The following PRR5L variants were observed in gnomAD, a reference collection of about 807,000 sequenced individuals.
PRR5L encodes proline-rich protein 5-like.
PRR5L carries 21 observed loss-of-function variants against 36.4 expected under a neutral mutation model. The observed-to-expected ratio is 0.58, with a 90% CI of 0.41 to 0.83. PRR5L has a LOEUF of 0.83. Among genes scored for constraint, PRR5L ranks in the 40% least tolerant of loss-of-function variants. The pLI is 0.00. For missense variants in PRR5L, 381 were observed against 473.3 expected (o/e 0.80, Z 1.81); for synonymous variants, 188 against 197.0 (o/e 0.95, Z 0.38).
At chr11:36,454,365 G>A (rs560917290) in intron 8 of PRR5L, among the ~76,000 whole-genome samples, 4 of 152,284 alleles carry the variant, frequency 2.6e-5, no homozygotes, top group African/African-American at 7.2e-5. Context: ...TCCAGATAAA[G>A]AGAGGTCTCT....
intron 6 of PRR5L, among the ~76,000 whole-genome samples, chr11:36,443,005 C>T (rs1273108668): frequency 1.3e-5 from 2 of 152,184 alleles, no homozygotes; most frequent in Non-Finnish European, 2.9e-5. Flanking sequence ...ACATTCTACT[C>T]CTTAGCACCA....
intron 1 of PRR5L, among the ~76,000 whole-genome samples, chr11:36,320,658 T>C (rs999279306): frequency 6.6e-6 from 1 of 152,208 alleles, no homozygotes; most frequent in Admixed American, 6.5e-5. Flanking sequence ...GAGCTATGCA[T>C]GCTACTTGCT....
At chr11:36,451,116 T>G in intron 7 of PRR5L, 93 bp from the exon 8 acceptor site, 2 of 1,469,286 alleles carry the variant, frequency 1.4e-6, no homozygotes, top group Non-Finnish European at 1.9e-6. Context: ...GCCTTGTACA[T>G]TGGAGGAGGA....
At chr11:36,448,958 C>T (rs1858889743) in intron 7 of PRR5L, among the ~76,000 whole-genome samples, 1 of 152,250 alleles carries the variant, frequency 6.6e-6, no homozygotes, top group African/African-American at 2.4e-5. Context: ...TACTGCCTCC[C>T]TTCTGCAGTC....
intron 3 of PRR5L, among the ~76,000 whole-genome samples, chr11:36,411,572 G>A (rs570311125): frequency 1.1e-4 from 16 of 152,226 alleles, no homozygotes; most frequent in African/African-American, 3.6e-4. Flanking sequence ...TCAGCTCCCG[G>A]CTTCCCTTTT....
At chr11:36,450,554 T>C (rs1858921528) in intron 7 of PRR5L, among the ~76,000 whole-genome samples, 2 of 152,232 alleles carry the variant, frequency 1.3e-5, no homozygotes, top group African/African-American at 4.8e-5. Flanking sequence ...GGGTTTTTAA[T>C]TGGCTCTTCA....
At chr11:36,442,457 T>C (rs1489531447) in intron 6 of PRR5L, among the ~76,000 whole-genome samples, 2 of 152,064 alleles carry the variant, frequency 1.3e-5, no homozygotes, top group Non-Finnish European at 2.9e-5. Context: ...TTCTCCTGCC[T>C]CAGCCTCCCA....
chr11:36,358,254 T>C (rs187091633), intron 1 of PRR5L, among the ~76,000 whole-genome samples: 2 of 152,294 alleles, frequency 1.3e-5, no homozygotes, highest in East Asian at 3.9e-4. Context: ...ATCAGCTATC[T>C]CTTGTGAAAG....
At chr11:36,350,944 A>ATTTATATATATTTATATATATT (rs1407155161) in intron 1 of PRR5L, among the ~76,000 whole-genome samples, 2 of 57,140 alleles carry the variant, frequency 3.5e-5, no homozygotes, top group African/African-American at 1.9e-4. Context: ...ATATTTATAT[A>ATTTATATATATTTATATATATT]TATATATTTA....
chr11:36,335,832 C>T (rs1856763812), intron 1 of PRR5L, among the ~76,000 whole-genome samples: 1 of 152,166 alleles, frequency 6.6e-6, no homozygotes, highest in South Asian at 2.1e-4. Context: ...TAAATATTTT[C>T]TTATTCAAAG....
intron 8 of PRR5L, among the ~76,000 whole-genome samples, chr11:36,452,575 C>T (rs1338468831): frequency 1.3e-5 from 2 of 152,228 alleles, no homozygotes; most frequent in Non-Finnish European, 2.9e-5. Context: ...GCCAGAGTTT[C>T]AATGACACTG....
chr11:36,359,781 A>T (rs1295834513), intron 1 of PRR5L, among the ~76,000 whole-genome samples: 5 of 152,188 alleles, frequency 3.3e-5, no homozygotes, highest in African/African-American at 1.2e-4. Flanking sequence ...GCAGTGGCTC[A>T]CCCGTGTAAT....
At chr11:36,345,826 T>A (rs1164507618) in intron 1 of PRR5L, among the ~76,000 whole-genome samples, 2 of 152,214 alleles carry the variant, frequency 1.3e-5, no homozygotes, top group Non-Finnish European at 2.9e-5. Context: ...GGCAGAAAGC[T>A]GGGAAGCGTC....
At chr11:36,318,391 A>G (rs1856579382) in intron 1 of PRR5L, among the ~76,000 whole-genome samples, 1 of 152,114 alleles carries the variant, frequency 6.6e-6, no homozygotes, top group South Asian at 2.1e-4. Flanking sequence ...ACTTCCCACT[A>G]ATATCTACTA....
intron 3 of PRR5L, among the ~76,000 whole-genome samples, chr11:36,406,589 A>T (rs2133565099): frequency 6.6e-6 from 1 of 152,324 alleles, no homozygotes; most frequent in East Asian, 1.9e-4. Flanking sequence ...TTATTCCAGC[A>T]TCTTAAACAC....
At chr11:36,418,753 G>C (rs563861163) in intron 3 of PRR5L, among the ~76,000 whole-genome samples, 1 of 152,046 alleles carries the variant, frequency 6.6e-6, no homozygotes, top group African/African-American at 2.4e-5. Context: ...CCAAGATTGC[G>C]CCACTGCACT....
chr11:36,444,198 G>A (rs555704503), intron 6 of PRR5L, among the ~76,000 whole-genome samples: 3 of 152,212 alleles, frequency 2.0e-5, no homozygotes, highest in African/African-American at 4.8e-5. Flanking sequence ...AGCCTTACAA[G>A]TGAGGGAGGT....
At chr11:36,395,762 C>T (rs188338589) in intron 1 of PRR5L, among the ~76,000 whole-genome samples, 1 of 152,078 alleles carries the variant, frequency 6.6e-6, no homozygotes, top group African/African-American at 2.4e-5. Context: ...TGCTTCGTTG[C>T]CTAGGGTGGA....
intron 1 of PRR5L, among the ~76,000 whole-genome samples, chr11:36,354,164 A>G (rs1857003134): frequency 6.6e-6 from 1 of 152,226 alleles, no homozygotes; most frequent in South Asian, 2.1e-4. Context: ...TAGAATGGAA[A>G]TCATAACAGT....
Sources: allele counts gnomAD v4.1 joint callset (sites outside exome capture counted in the v4.1 genomes callset), GRCh38; gene constraint gnomAD v4.1.1; transcripts MANE v1.5; gene names NCBI Gene and HGNC (gene_info 2026-07-23, HGNC 2026-07-21).